Variants in FERMT2 observed in about 807,000 individuals in gnomAD.
FERMT2 encodes the protein FERM domain containing kindlin 2.
Under a neutral mutation model 82.7 loss-of-function variants are expected in FERMT2, and 15 were observed. That is an observed-to-expected ratio of 0.18 (90% CI 0.12 to 0.28). The LOEUF (loss-of-function observed/expected upper bound fraction) is 0.28, where lower values mean the gene tolerates loss of function less well. Ranked by LOEUF, FERMT2 falls within the 10% of genes least tolerant of loss-of-function variation. The probability of loss-of-function intolerance (pLI) is 1.00; values close to 1 mark genes in which losing one functional copy is unlikely to be tolerated. For missense variants in FERMT2, 645 were observed against 809.4 expected, an observed-to-expected ratio of 0.80 and a Z score of 2.46; for synonymous variants, 274 against 271.5, an observed-to-expected ratio of 1.01 and a Z score of -0.09.
At chr14:52,869,133 G>A (rs1444986616) in intron 10 of FERMT2, among the ~76,000 whole-genome samples, 5 of 152,222 alleles carry the variant, frequency 3.3e-5, no homozygotes, top group African/African-American at 7.2e-5. Context: ...GGCAGCTGAA[G>A]AGGGAAGCAG....
At chr14:52,895,967 G>C (rs188356946) in intron 3 of FERMT2, among the ~76,000 whole-genome samples, 167 of 152,206 alleles carry the variant, frequency 1.1e-3, no homozygotes, top group Admixed American at 3.5e-3. Flanking sequence ...GTAGAGATAG[G>C]GTCTTGTCAT....
intron 4 of FERMT2, among the ~76,000 whole-genome samples, chr14:52,885,952 T>A (rs1267866878): frequency 6.7e-6 from 1 of 149,496 alleles, no homozygotes; most frequent in Non-Finnish European, 1.5e-5. Context: ...TAAAACAATA[T>A]GGTTTTAAAA....
chr14:52,898,261 C>T (rs1263248668), intron 3 of FERMT2, among the ~76,000 whole-genome samples: 1 of 152,102 alleles, frequency 6.6e-6, no homozygotes, highest in Non-Finnish European at 1.5e-5. Context: ...CTGCCACTTT[C>T]TTGAAAGCAT....
intron 2 of FERMT2, among the ~76,000 whole-genome samples, chr14:52,928,637 G>A (rs1052980178): frequency 1.3e-5 from 2 of 152,152 alleles, no homozygotes; most frequent in African/African-American, 4.8e-5. Flanking sequence ...GACTGCCCAA[G>A]ACACCCTTGG....
intron 3 of FERMT2, among the ~76,000 whole-genome samples, chr14:52,904,285 G>C (rs1215526405): frequency 6.6e-6 from 1 of 152,234 alleles, no homozygotes; most frequent in African/African-American, 2.4e-5. Flanking sequence ...GGGAGGCCAA[G>C]GTGGGCGGAT....
chr14:52,925,173 C>T (rs1889183302), intron 2 of FERMT2, among the ~76,000 whole-genome samples: 1 of 152,146 alleles, frequency 6.6e-6, no homozygotes, highest in Non-Finnish European at 1.5e-5. Context: ...AAATTGTATA[C>T]ACTGATGAAA....
intron 14 of FERMT2, chr14:52,859,269 A>C (rs1884752537): frequency 4.1e-6 from 1 of 241,042 alleles, no homozygotes; most frequent in Non-Finnish European, 8.0e-6. Context: ...TCTAAGTATC[A>C]TGTCTGGCAC....
chr14:52,927,298 TC>T (rs1240918580), intron 2 of FERMT2, among the ~76,000 whole-genome samples: 2 of 152,102 alleles, frequency 1.3e-5, no homozygotes, highest in African/African-American at 4.8e-5. Context: ...AATACATATT[TC>T]AAAGCTTTTT....
In FERMT2 at chr14:52,893,401, G is replaced by A. The variant is rs764502626; in HGVS notation, c.418C>T (p.Leu140Phe). ...FNIRHPEELS[L>F]LKKPRDPTKK... ...GTTGGATCTCTGGGTTTCTTTAAGA[G>A]AGAAAGTTCTTCGGGGTGTCTGATA... Residue 140 changes from leucine (L) to phenylalanine (F), a missense_variant, in exon 4 of 15, where the codon CTC (leucine) becomes TTC (phenylalanine). Transcript: ENST00000341590. 7 of 1,608,916 alleles carry A rather than the reference G, an allele frequency of 4.4e-6. No homozygotes were observed. Among genetic ancestry groups the A allele is most frequent in the South Asian group, 1.1e-5 (1 of 90,050 alleles).
At chr14:52,908,415 G>C (rs1888136148) in intron 3 of FERMT2, among the ~76,000 whole-genome samples, 1 of 152,064 alleles carries the variant, frequency 6.6e-6, no homozygotes, top group African/African-American at 2.4e-5. Flanking sequence ...AATGAGCCCA[G>C]CCCTTCGACT....
chr14:52,927,744 CTGCACGAGAGCTG>C (rs1324121159), intron 2 of FERMT2, among the ~76,000 whole-genome samples: 1 of 151,766 alleles, frequency 6.6e-6, no homozygotes, highest in Non-Finnish European at 1.5e-5. Flanking sequence ...CCTGTTGTTT[CTGCACGAGAGCTG>C]GAGCCTATGC....
chr14:52,926,370 A>C (rs1047282242), intron 2 of FERMT2, among the ~76,000 whole-genome samples: 4 of 151,782 alleles, frequency 2.6e-5, no homozygotes, highest in African/African-American at 9.7e-5. Flanking sequence ...TGATTTCCAG[A>C]ATGGCAGGCT....
At chr14:52,895,720 G>C (rs1372724756) in intron 3 of FERMT2, among the ~76,000 whole-genome samples, 1 of 152,068 alleles carries the variant, frequency 6.6e-6, no homozygotes, top group Non-Finnish European at 1.5e-5. Context: ...GGTTTCAGAG[G>C]TATAAATATC....
intron 3 of FERMT2, among the ~76,000 whole-genome samples, chr14:52,909,173 G>T (rs1400259039): frequency 2.0e-5 from 3 of 152,182 alleles, no homozygotes; most frequent in Non-Finnish European, 4.4e-5. Flanking sequence ...GCAGCTCTAG[G>T]TTGAGCACCC....
chr14:52,917,896 T>C (rs528638264), intron 3 of FERMT2, among the ~76,000 whole-genome samples: 57 of 152,296 alleles, frequency 3.7e-4, no homozygotes, highest in Non-Finnish European at 7.6e-4. Context: ...CTCCATACTG[T>C]CCACAGGTCA....
chr14:52,909,902 A>G (rs1030392111), intron 3 of FERMT2, among the ~76,000 whole-genome samples: 6 of 151,616 alleles, frequency 4.0e-5, no homozygotes, highest in African/African-American at 1.5e-4. Flanking sequence ...AAAATACAAA[A>G]ATTAGCTGGG....
chr14:52,864,823 G>A lies in FERMT2; in HGVS notation c.1304C>T (p.Ser435Leu), dbSNP rs760477161. ...GCEVTPDVNI[S>L]GQKFNIKLLI... ...GAGTTTAATGTTAAATTTTTGGCCT[G>A]AAATGTTTACATCTGGGGTAACTTC... Residue 435 changes from serine (S) to leucine (L), a missense_variant, in exon 11 of 15, where the codon TCA becomes TTA. By Grantham distance (145) the Ser-to-Leu change is moderately radical (BLOSUM62 -2). Coordinates refer to ENST00000341590, the MANE Select transcript of FERMT2 (RefSeq NM_006832.3). 12 of 1,611,388 alleles carry A rather than the reference G, an allele frequency of 7.4e-6. No individual in the cohort carries two copies. Among genetic ancestry groups the A allele is most frequent in the Non-Finnish European group, 9.3e-6 (11 of 1,177,752 alleles).
At chr14:52,894,743 A>G (rs115469474) in intron 3 of FERMT2, among the ~76,000 whole-genome samples, 1,551 of 152,210 alleles carry the variant, frequency 0.01, 28 homozygotes, top group African/African-American at 0.035. Flanking sequence ...CCTTATAACA[A>G]TAGCAAAAAT....
intron 3 of FERMT2, among the ~76,000 whole-genome samples, chr14:52,911,450 T>G (rs1025047085): frequency 1.1e-4 from 17 of 151,938 alleles, no homozygotes; most frequent in South Asian, 8.3e-4. Flanking sequence ...AGGAGATTGA[T>G]ACCATCCTGG....
Sources: allele counts gnomAD v4.1 joint callset (sites outside exome capture counted in the v4.1 genomes callset), GRCh38; gene constraint gnomAD v4.1.1; transcripts MANE v1.5; gene names NCBI Gene and HGNC (gene_info 2026-07-23, HGNC 2026-07-21).